CPQ: variants seen among roughly 807,000 people sequenced by gnomAD.
CPQ encodes carboxypeptidase Q.
A neutral mutation model predicts 45.7 loss-of-function variants in CPQ; 37 were observed. The observed-to-expected ratio is 0.81, with a 90% CI of 0.62 to 1.07. The LOEUF (loss-of-function observed/expected upper bound fraction) is 1.07. Ranked by LOEUF, CPQ falls within the 50% of genes least tolerant of loss-of-function variation. CPQ has a pLI of 0.00. For missense variants in CPQ, 537 were observed against 572.9 expected (o/e 0.94, Z 0.64); for synonymous variants, 186 against 205.8 (o/e 0.90, Z 0.82).
At chr8:96,923,263 T>C (rs1008721016) in intron 4 of CPQ, among the ~76,000 whole-genome samples, 1 of 152,198 alleles carries the variant, frequency 6.6e-6, no homozygotes. Flanking sequence ...AATTGAATTG[T>C]CAGTGGCTAG....
chr8:96,696,043 A>G (rs1469113661), intron 1 of CPQ, among the ~76,000 whole-genome samples: 1 of 151,552 alleles, frequency 6.6e-6, no homozygotes, highest in Non-Finnish European at 1.5e-5. Flanking sequence ...AACCAACCCA[A>G]ATGTCCAACA....
intron 1 of CPQ, among the ~76,000 whole-genome samples, chr8:96,660,569 G>T (rs1210746105): frequency 6.6e-6 from 1 of 152,016 alleles, no homozygotes; most frequent in Non-Finnish European, 1.5e-5. Context: ...ATACTGATTT[G>T]GGGGTCTCAC....
intron 4 of CPQ, among the ~76,000 whole-genome samples, chr8:96,904,556 A>C (rs1812551820): frequency 6.6e-6 from 1 of 152,190 alleles, no homozygotes; most frequent in Non-Finnish European, 1.5e-5. Context: ...ATTCACCTGC[A>C]AAATGGGAGA....
At chr8:97,042,499 G>A (rs1052886443) in intron 6 of CPQ, among the ~76,000 whole-genome samples, 2 of 151,958 alleles carry the variant, frequency 1.3e-5, no homozygotes, top group Admixed American at 6.6e-5. Flanking sequence ...GTTCTCCTCC[G>A]ATTTTAGTTA....
chr8:96,881,099 T>C (rs1212813536), intron 4 of CPQ, among the ~76,000 whole-genome samples: 1 of 152,214 alleles, frequency 6.6e-6, no homozygotes, highest in Non-Finnish European at 1.5e-5. Context: ...TAGTTAATAC[T>C]TATTGTGTTA....
chr8:97,003,015 G>T (rs990373174), intron 5 of CPQ, among the ~76,000 whole-genome samples: 4 of 152,090 alleles, frequency 2.6e-5, no homozygotes, highest in African/African-American at 9.7e-5. Context: ...ATTATATAAT[G>T]CCCTTCTGTG....
intron 5 of CPQ, among the ~76,000 whole-genome samples, chr8:96,997,169 G>GT (rs1809192842): frequency 6.6e-6 from 1 of 151,886 alleles, no homozygotes; most frequent in Admixed American, 6.6e-5. Flanking sequence ...TCCACTTTTA[G>GT]TTTTTTCTCT....
chr8:97,094,100 T>A (rs1034759793), intron 7 of CPQ, among the ~76,000 whole-genome samples: 11 of 152,110 alleles, frequency 7.2e-5, no homozygotes, highest in Non-Finnish European at 1.5e-4. Flanking sequence ...GCAGAATGAG[T>A]GTTCTGAGAA....
chr8:96,826,263 T>C (rs1655973188), intron 2 of CPQ, among the ~76,000 whole-genome samples: 1 of 152,110 alleles, frequency 6.6e-6, no homozygotes, highest in African/African-American at 2.4e-5. Flanking sequence ...GAAGTAGTTA[T>C]CTAATTTTCA....
At chr8:96,919,631 C>T (rs1339639386) in intron 4 of CPQ, among the ~76,000 whole-genome samples, 1 of 152,146 alleles carries the variant, frequency 6.6e-6, no homozygotes, top group Admixed American at 6.5e-5. Context: ...TATGCGGCCC[C>T]TGGAAGGTAT....
intron 5 of CPQ, among the ~76,000 whole-genome samples, chr8:97,006,326 G>T (rs1050407709): frequency 1.3e-5 from 2 of 152,046 alleles, no homozygotes; most frequent in Non-Finnish European, 2.9e-5. Context: ...TCTATGTCCT[G>T]CCATTTCTTA....
chr8:96,821,140 T>C (rs1211329862), intron 2 of CPQ, among the ~76,000 whole-genome samples: 1 of 148,944 alleles, frequency 6.7e-6, no homozygotes, highest in African/African-American at 2.5e-5. Flanking sequence ...TTTTTTTTTT[T>C]TTTTTTTTTT....
chr8:96,803,240 CT>C (rs975590200), intron 2 of CPQ, among the ~76,000 whole-genome samples: 2 of 152,178 alleles, frequency 1.3e-5, no homozygotes, highest in African/African-American at 4.8e-5. Flanking sequence ...CTTCTTTTGC[CT>C]TTCTGCTCTA....
intron 7 of CPQ, among the ~76,000 whole-genome samples, chr8:97,087,832 G>A (rs1275935999): frequency 6.6e-6 from 1 of 152,130 alleles, no homozygotes; most frequent in African/African-American, 2.4e-5. Flanking sequence ...TCTGTACCTA[G>A]TTTTAAAATG....
At chr8:96,737,355 G>GATATAT (rs372241683) in intron 1 of CPQ, among the ~76,000 whole-genome samples, 3 of 118,000 alleles carry the variant, frequency 2.5e-5, no homozygotes, top group East Asian at 2.4e-4. Flanking sequence ...ACTAATAGGA[G>GATATAT]ATATATATAT....
chr8:96,745,477 C>T (rs1810167751), intron 1 of CPQ, among the ~76,000 whole-genome samples: 1 of 152,104 alleles, frequency 6.6e-6, no homozygotes, highest in South Asian at 2.1e-4. Flanking sequence ...GGAATAATAC[C>T]TTATTCCTTG....
chr8:97,089,137 G>A (rs1326632756), intron 7 of CPQ, among the ~76,000 whole-genome samples: 1 of 151,794 alleles, frequency 6.6e-6, no homozygotes, highest in East Asian at 1.9e-4. Flanking sequence ...CAGCTACTCA[G>A]GAGGCTGAGA....
At position 97,025,267 on chromosome 8, in the gene CPQ, T is replaced by C. The variant is rs1401928197; in HGVS notation, c.962-4136T>C. ...ATCATTTCTCTTCTCCCTATTATTA[T>C]TACTCTCCTCAATGAAATGAAAATG... is the stretch of plus-strand genomic sequence containing the variant. On this transcript the variant is annotated intron_variant, in intron 5 of 7. Coordinates refer to ENST00000220763, the MANE Select transcript of CPQ (RefSeq NM_016134.4). Among the ~76,000 whole-genome samples the C allele has an allele frequency of 7.9e-5, 12 of 152,296 alleles. No homozygotes were observed. In the East Asian group the frequency reaches 2.1e-3, roughly 27 times the overall value.
At chr8:97,094,739 C>T (rs1449739233) in intron 7 of CPQ, among the ~76,000 whole-genome samples, 1 of 151,672 alleles carries the variant, frequency 6.6e-6, no homozygotes, top group East Asian at 1.9e-4. Context: ...ATAAATATTT[C>T]AAGTATTCGC....
Sources: allele counts gnomAD v4.1 joint callset (sites outside exome capture counted in the v4.1 genomes callset), GRCh38; gene constraint gnomAD v4.1.1; transcripts MANE v1.5; gene names NCBI Gene and HGNC (gene_info 2026-07-23, HGNC 2026-07-21).